Variants in PNPT1 observed in about 807,000 individuals in gnomAD.
The protein encoded by PNPT1 is polyribonucleotide nucleotidyltransferase 1, mitochondrial.
In PNPT1, 53 loss-of-function variants were observed where a neutral mutation model predicts 119.5. The ratio of observed to expected loss-of-function variants is 0.44; its 90% CI spans 0.36 to 0.56. The LOEUF is 0.56. Among genes scored for constraint, PNPT1 ranks in the 20% least tolerant of loss-of-function variants. The probability of loss-of-function intolerance (pLI) is 0.00; values close to 1 mark genes in which losing one functional copy is unlikely to be tolerated. For synonymous variants in PNPT1, 357 were observed against 322.1 expected, an observed-to-expected ratio of 1.11 and a Z score of -1.16; for missense variants, 948 against 938.5, an observed-to-expected ratio of 1.01 and a Z score of -0.13.
At chr2:55,676,213 T>TGC (rs767973103) in intron 8 of PNPT1, among the ~76,000 whole-genome samples, 1 of 137,448 alleles carries the variant, frequency 7.3e-6, no homozygotes, top group Non-Finnish European at 1.5e-5. Flanking sequence ...GAGCCGAGAT[T>TGC]GCGCCACTGC....
Position 55,681,997 on chromosome 2 carries a change from G to C in PNPT1, c.454-1079C>G, listed in dbSNP as rs567231097. Among the ~76,000 whole-genome samples, 3 of 152,200 alleles carry C rather than the reference G, an allele frequency of 2.0e-5. No individual in the cohort carries two copies. In the South Asian group the frequency reaches 6.2e-4, roughly 32 times the overall value. On this transcript the variant is annotated intron_variant, in intron 5 of 27. Transcript: ENST00000447944. ...TCTACTAAAAAAATACAAAAAATTA[G>C]CCAGGCATGTTGGCAGGTGCCTGTA...
intron 18 of PNPT1, 45 bp from the exon 19 acceptor site, chr2:55,647,498 C>T (rs756976241): frequency 1.4e-6 from 2 of 1,412,294 alleles, no homozygotes; most frequent in Non-Finnish European, 1.9e-6. Context: ...TGTACATGAG[C>T]CTAAAACAAA....
rs937434800 is a variant in PNPT1 at position 55,667,548 on chromosome 2, T to C, written c.1073+314A>G. Among the ~76,000 whole-genome samples, 4 of 151,410 alleles carry C rather than the reference T, an allele frequency of 2.6e-5. No homozygotes were observed. In the South Asian group the frequency reaches 6.3e-4, roughly 24 times the overall value. On this transcript the variant is annotated intron_variant, in intron 12 of 27. Transcript: ENST00000447944. The stretch of plus-strand genomic sequence containing the variant: ...GGCGGAGCTTGCAGTGAGCCGAGAT[T>C]GCACTCCAGCCTGGGTGACAGAGCG...
chr2:55,667,579 C>CT (rs1179328513), intron 12 of PNPT1, among the ~76,000 whole-genome samples: 4 of 129,146 alleles, frequency 3.1e-5, no homozygotes, highest in Non-Finnish European at 3.2e-5. Context: ...GAGCGAGACT[C>CT]TGTCTCAAAA....
intron 11 of PNPT1, among the ~76,000 whole-genome samples, chr2:55,669,170 T>G (rs925631304): frequency 2.0e-5 from 3 of 147,170 alleles, no homozygotes; most frequent in African/African-American, 8.1e-5. Context: ...AGATAACCAC[T>G]GAGTTTAAAA....
At chr2:55,645,687 A>C (rs1311814744) in intron 21 of PNPT1, among the ~76,000 whole-genome samples, 1 of 152,104 alleles carries the variant, frequency 6.6e-6, no homozygotes, top group African/African-American at 2.4e-5. Flanking sequence ...CCAAAAACTT[A>C]GTTGTGCTTC....
rs1375290198 is a variant in PNPT1 at position 55,671,341 on chromosome 2, T to G, written c.954A>C (p.Leu318Phe). The change falls in exon 11 of 28, where the codon TTA becomes TTC. Residue 318 changes from leucine to phenylalanine, a missense_variant. Coordinates refer to ENST00000447944, the MANE Select transcript of PNPT1 (RefSeq NM_033109.5). ...TACCTTTTAGTTGTTCCTCCGTATC[T>G]AATCTTATTTTGTTAACAGCTTCAT... The part of the protein sequence containing the change: ...SRDEAVNKIR[L>F]DTEEQLKEKF... 3 of 1,546,154 alleles carry G rather than the reference T, an allele frequency of 1.9e-6. No homozygotes were observed. Among genetic ancestry groups the G allele is most frequent in the African/African-American group, 1.4e-5 (1 of 71,672 alleles).
intron 25 of PNPT1, among the ~76,000 whole-genome samples, chr2:55,641,100 T>C (rs1695821377): frequency 6.6e-6 from 1 of 151,900 alleles, no homozygotes; most frequent in Admixed American, 6.6e-5. Flanking sequence ...GGCGCGCACC[T>C]GTAATCCCAG....
chr2:55,688,173 G>C (rs1697475255), intron 1 of PNPT1, among the ~76,000 whole-genome samples: 1 of 151,920 alleles, frequency 6.6e-6, no homozygotes. Flanking sequence ...TTCCTGAGTA[G>C]TTGGGACTAC....
chr2:55,636,427 C>G lies in PNPT1; in HGVS notation c.2197-35G>C, dbSNP rs57254503. The G allele has an allele frequency of 3.7e-4, 590 of 1,605,296 alleles. 2 individuals carry two copies. The African/African-American group carries it at 7.0e-3, about 19-fold the overall frequency. ...AGAAACAGATCTTCCTTTAAAGTTA[C>G]AGCACATTGAGTGACATCTAAACTA... is the stretch of plus-strand genomic sequence containing the variant. On this transcript the variant is annotated intron_variant, in intron 27 of 27. Transcript: ENST00000447944.
At chr2:55,661,194 G>A (rs368065209) in intron 14 of PNPT1, among the ~76,000 whole-genome samples, 5 of 143,332 alleles carry the variant, frequency 3.5e-5, no homozygotes, top group Non-Finnish European at 6.0e-5. Context: ...CTGGGTTCAC[G>A]CCATTCTCCT....
intron 21 of PNPT1, among the ~76,000 whole-genome samples, chr2:55,645,841 T>C (rs1024723363): frequency 1.3e-5 from 2 of 151,994 alleles, no homozygotes; most frequent in Non-Finnish European, 2.9e-5. Context: ...AGTACTTCTT[T>C]TTTTTTGAGA....
intron 13 of PNPT1, among the ~76,000 whole-genome samples, chr2:55,665,726 A>T (rs958296986): frequency 8.5e-5 from 13 of 152,240 alleles, no homozygotes; most frequent in African/African-American, 3.1e-4. Flanking sequence ...ACTGGCTGTT[A>T]TATAAATAAT....
chr2:55,684,880 A>G (rs1697353649), intron 4 of PNPT1, 63 bp downstream of exon 4: 1 of 1,396,446 alleles, frequency 7.2e-7, no homozygotes. Flanking sequence ...ACACAGATGC[A>G]AGAGAAGAGA....
intron 8 of PNPT1, among the ~76,000 whole-genome samples, chr2:55,674,289 T>A (rs964258638): frequency 2.0e-5 from 3 of 152,152 alleles, no homozygotes; most frequent in African/African-American, 7.2e-5. Flanking sequence ...AAAATCAGTA[T>A]GCAAACTAAG....
In PNPT1 at chr2:55,644,571, A is replaced by G. The variant is rs1257232727; in HGVS notation, c.1906+66T>C. Reference sequence around the variant, plus strand: ...ATATATTTAAAGCAACATACTAGAGATGAAATAGCAAACTTTTATGGTCTA... The same window carrying G: ...ATATATTTAAAGCAACATACTAGAGGTGAAATAGCAAACTTTTATGGTCTA... On this transcript the variant is annotated intron_variant, in intron 23 of 27. Transcript: ENST00000447944. 3.3e-5 allele frequency: 39 copies of G among 1,193,678 alleles called. 2 individuals carry two copies. The highest frequency in any genetic ancestry group is 3.4e-5 in the Non-Finnish European group (28 of 826,890). The allele number at this position is 1,193,678 out of a possible 1,614,324, so 73.9% of individuals were successfully genotyped here. A position where few individuals can be genotyped will look rare whatever the true frequency, so the allele number is the denominator to read the frequency against.
intron 17 of PNPT1, among the ~76,000 whole-genome samples, chr2:55,655,336 A>C (rs7571474): frequency 0.48 from 73,158 of 152,180 alleles, 18,773 homozygotes; most frequent in Non-Finnish European, 0.57. Context: ...AGTTTCACCA[A>C]GTTAGACCCT....
At chr2:55,673,107 T>A (rs1327532167) in intron 8 of PNPT1, 28 bp from the exon 9 acceptor site, 3 of 1,417,888 alleles carry the variant, frequency 2.1e-6, no homozygotes, top group Non-Finnish European at 2.9e-6. Flanking sequence ...AAAAAAAAAA[T>A]GACTGCCATC....
intron 17 of PNPT1, 77 bp from the exon 18 acceptor site, chr2:55,655,030 T>C: frequency 7.7e-7 from 1 of 1,294,360 alleles, no homozygotes; most frequent in Non-Finnish European, 1.1e-6. Context: ...GGTTATTTCC[T>C]TATAAATATT....
Sources: gnomAD v4.1 joint callset for allele counts (sites outside exome capture counted in the v4.1 genomes callset) on GRCh38, gnomAD v4.1.1 for gene constraint, MANE v1.5 for transcripts, NCBI Gene and HGNC (gene_info 2026-07-23, HGNC 2026-07-21) for gene names.